The following PTPRD variants were observed in gnomAD, a reference collection of about 807,000 sequenced individuals.
PTPRD encodes protein tyrosine phosphatase receptor type D.
PTPRD carries 34 observed loss-of-function variants against 214.5 expected under a neutral mutation model. The observed-to-expected ratio is 0.16, with a 90% CI of 0.12 to 0.21. The LOEUF is 0.21. Ranked by LOEUF, PTPRD falls within the 10% of genes least tolerant of loss-of-function variation. The pLI is 1.00. For synonymous variants in PTPRD, 1,128 were observed against 845.7 expected (o/e 1.33, Z -5.79); for missense variants, 2,545 against 2,398.7 (o/e 1.06, Z -1.27).
chr9:10,542,034 G>A (rs145906161), intron 2 of PTPRD, among the ~76,000 whole-genome samples: 2,944 of 152,116 alleles, frequency 0.019, 32 homozygotes, highest in South Asian at 0.042. Context: ...ATTAATGCAC[G>A]TGGCCAATTA....
chr9:10,395,482 T>C (rs867179608), intron 2 of PTPRD, among the ~76,000 whole-genome samples: 4 of 151,912 alleles, frequency 2.6e-5, no homozygotes, highest in Admixed American at 6.6e-5. Context: ...CAAAATACTA[T>C]CATTACTGAA....
chr9:9,549,109 T>A (rs962349953), intron 8 of PTPRD, among the ~76,000 whole-genome samples: 1 of 152,084 alleles, frequency 6.6e-6, no homozygotes, highest in Non-Finnish European at 1.5e-5. Flanking sequence ...CAATATTTTT[T>A]AGATAAGAAA....
chr9:9,313,847 C>A (rs915301799), intron 9 of PTPRD, among the ~76,000 whole-genome samples: 16 of 152,076 alleles, frequency 1.1e-4, no homozygotes, highest in African/African-American at 3.6e-4. Context: ...AATCCTCATA[C>A]AAAATTTATT....
chr9:10,138,122 C>T (rs1381110127), intron 3 of PTPRD, among the ~76,000 whole-genome samples: 3 of 151,852 alleles, frequency 2.0e-5, no homozygotes, highest in Non-Finnish European at 4.4e-5. Flanking sequence ...AAAAAATAAA[C>T]AAGATGTATA....
chr9:8,448,797 T>C (rs1193993666), intron 34 of PTPRD, among the ~76,000 whole-genome samples: 1 of 152,214 alleles, frequency 6.6e-6, no homozygotes, highest in Non-Finnish European at 1.5e-5. Context: ...GTAATATATC[T>C]GCAGTGTATC....
chr9:8,886,874 A>C (rs1005542112), intron 11 of PTPRD, among the ~76,000 whole-genome samples: 1 of 152,256 alleles, frequency 6.6e-6, no homozygotes, highest in Admixed American at 6.5e-5. Flanking sequence ...CCTGGAAGAT[A>C]TACACACACA....
chr9:8,331,807 C>T (rs1166135424), intron 43 of PTPRD, 71 bp from the exon 44 acceptor site: 3 of 1,465,070 alleles, frequency 2.0e-6, no homozygotes, highest in African/African-American at 1.5e-5. Context: ...ATACGGACCA[C>T]AAGAACAATC....
intron 9 of PTPRD, among the ~76,000 whole-genome samples, chr9:9,311,787 A>T (rs115383990): frequency 3.2e-4 from 48 of 152,306 alleles, no homozygotes; most frequent in African/African-American, 1.1e-3. Flanking sequence ...TTGAAAAATC[A>T]CTGAAACCAA....
intron 7 of PTPRD, among the ~76,000 whole-genome samples, chr9:9,638,154 C>G (rs1377382898): frequency 6.6e-6 from 1 of 152,180 alleles, no homozygotes; most frequent in East Asian, 1.9e-4. Flanking sequence ...TCTCAAAATA[C>G]TGCTTTATTC....
chr9:10,027,804 A>C (rs1184238795), intron 4 of PTPRD, among the ~76,000 whole-genome samples: 2 of 152,330 alleles, frequency 1.3e-5, no homozygotes, highest in South Asian at 2.1e-4. Flanking sequence ...AAGGCATTGA[A>C]CTAAATGGTA....
chr9:10,076,499 C>T (rs573132994), intron 3 of PTPRD, among the ~76,000 whole-genome samples: 130 of 152,064 alleles, frequency 8.5e-4, no homozygotes, highest in Non-Finnish European at 1.1e-3. Context: ...TATATAGACC[C>T]TGAAGGTCCA....
chr9:10,225,501 G>A (rs1022956063), intron 3 of PTPRD, among the ~76,000 whole-genome samples: 4 of 151,976 alleles, frequency 2.6e-5, no homozygotes, highest in Non-Finnish European at 5.9e-5. Context: ...ATGAAAAGTT[G>A]GCACTGCTTT....
chr9:10,207,979 G>C (rs961799520), intron 3 of PTPRD, among the ~76,000 whole-genome samples: 1 of 152,122 alleles, frequency 6.6e-6, no homozygotes, highest in Non-Finnish European at 1.5e-5. Flanking sequence ...GAGAAGCTTT[G>C]TATTATTAAC....
chr9:9,818,018 A>C (rs2049343562), intron 5 of PTPRD, among the ~76,000 whole-genome samples: 1 of 152,190 alleles, frequency 6.6e-6, no homozygotes, highest in African/African-American at 2.4e-5. Context: ...ATCTTGGGGA[A>C]AGAAGTTAAT....
intron 4 of PTPRD, among the ~76,000 whole-genome samples, chr9:9,948,316 C>G (rs182639852): frequency 6.6e-6 from 1 of 152,090 alleles, no homozygotes; most frequent in Non-Finnish European, 1.5e-5. Context: ...ACTATCTTCC[C>G]TCAATAGATT....
intron 10 of PTPRD, among the ~76,000 whole-genome samples, chr9:9,040,244 T>G (rs188717603): frequency 6.6e-6 from 1 of 152,210 alleles, no homozygotes. Context: ...AAAATCAGGA[T>G]TTGAAAGCAG....
intron 4 of PTPRD, among the ~76,000 whole-genome samples, chr9:9,949,236 T>C (rs2093170276): frequency 6.6e-6 from 1 of 152,114 alleles, no homozygotes; most frequent in Non-Finnish European, 1.5e-5. Context: ...CACAAAATGG[T>C]AGCCATTTTC....
At chr9:10,589,518 C>T (rs963030694) in intron 2 of PTPRD, among the ~76,000 whole-genome samples, 2 of 151,960 alleles carry the variant, frequency 1.3e-5, no homozygotes, top group African/African-American at 4.8e-5. Context: ...TAAGTAGCCA[C>T]CCTCTAGTAA....
intron 11 of PTPRD, among the ~76,000 whole-genome samples, chr9:8,756,622 A>T (rs2094006493): frequency 6.6e-6 from 1 of 152,182 alleles, no homozygotes; most frequent in Admixed American, 6.5e-5. Flanking sequence ...TTGTTAGGGA[A>T]TTAAGGTCCA....
Sources: allele counts gnomAD v4.1 joint callset (sites outside exome capture counted in the v4.1 genomes callset), GRCh38; gene constraint gnomAD v4.1.1; transcripts MANE v1.5; gene names NCBI Gene and HGNC (gene_info 2026-07-23, HGNC 2026-07-21).